NAV3: variants seen among roughly 807,000 people sequenced by gnomAD.
The protein encoded by NAV3 is pore membrane and/or filament interacting like protein 1.
NAV3 carries 87 observed loss-of-function variants against 244.7 expected under a neutral mutation model. That is an observed-to-expected ratio of 0.36 (90% CI 0.30 to 0.42). The LOEUF (loss-of-function observed/expected upper bound fraction) is 0.42. Ranked by LOEUF, NAV3 falls within the 20% of genes least tolerant of loss-of-function variation. The pLI, the probability that NAV3 is intolerant of heterozygous loss-of-function variation, is 1.00. For missense variants in NAV3, 2,663 were observed against 2,893.3 expected, an observed-to-expected ratio of 0.92 and a Z score of 1.83; for synonymous variants, 1,126 against 1,042.2, an observed-to-expected ratio of 1.08 and a Z score of -1.55.
intron 2 of NAV3, among the ~76,000 whole-genome samples, chr12:77,591,127 C>T (rs1477641123): frequency 2.0e-5 from 3 of 152,188 alleles, no homozygotes; most frequent in Non-Finnish European, 4.4e-5. Context: ...ATAAAAACTG[C>T]TTCCTTTTGT....
At chr12:77,930,973 C>T (rs1888725511) in intron 1 of NAV3, among the ~76,000 whole-genome samples, 1 of 151,718 alleles carries the variant, frequency 6.6e-6, no homozygotes, top group Non-Finnish European at 1.5e-5. Flanking sequence ...CTTTGTGCCC[C>T]ACCCTCCTGA....
At chr12:78,172,551 G>A (rs1393169354) in intron 24 of NAV3, among the ~76,000 whole-genome samples, 1 of 151,484 alleles carries the variant, frequency 6.6e-6, no homozygotes, top group Non-Finnish European at 1.5e-5. Context: ...AATAATGGGT[G>A]CCATAGGGAA....
intron 39 of NAV3, among the ~76,000 whole-genome samples, chr12:78,210,013 TC>T (rs539916364): frequency 1.2e-4 from 18 of 152,288 alleles, no homozygotes; most frequent in Middle Eastern, 3.4e-3. Flanking sequence ...GTATGAACAT[TC>T]ACGACTTTCA....
intron 38 of NAV3, 117 bp downstream of exon 38, chr12:78,200,708 T>C: frequency 2.0e-6 from 1 of 501,736 alleles, no homozygotes; most frequent in Non-Finnish European, 3.4e-6. Context: ...GCATGAACTA[T>C]ATGAATAGAG....
chr12:78,009,925 T>C (rs1874966417), intron 8 of NAV3, among the ~76,000 whole-genome samples: 1 of 152,126 alleles, frequency 6.6e-6, no homozygotes, highest in Admixed American at 6.6e-5. Flanking sequence ...TAAAAATAAA[T>C]GAAACTATGG....
intron 24 of NAV3, among the ~76,000 whole-genome samples, chr12:78,169,864 C>T (rs539313956): frequency 1.6e-4 from 25 of 151,798 alleles, no homozygotes; most frequent in Non-Finnish European, 3.0e-4. Context: ...GTGAAACATC[C>T]GGTTTTTCTA....
chr12:77,616,152 A>G lies in NAV3; in HGVS notation c.72+43886A>G, dbSNP rs1475268761. On this transcript the variant is annotated intron_variant, in intron 2 of 8. Transcript: ENST00000550042. Reference sequence around the variant, plus strand: ...GCCAGGCATGGTGGCTCACTCCTGTAATCCCAGCACTTTGGAGGCCAAGGT... The same window carrying G: ...GCCAGGCATGGTGGCTCACTCCTGTGATCCCAGCACTTTGGAGGCCAAGGT... 4.6e-5 allele frequency among the ~76,000 whole-genome samples: 7 copies of G among 152,154 alleles called. No individual in the cohort carries two copies. In the East Asian group the frequency reaches 1.3e-3, roughly 29 times the overall value.
chr12:77,940,819 T>A lies in NAV3; in HGVS notation c.362-262T>A, dbSNP rs866459684. Among the ~76,000 whole-genome samples the A allele has an allele frequency of 3.3e-5, 5 of 152,306 alleles. 1 individual carries two copies. The Middle Eastern group carries it at 0.01, about 311-fold the overall frequency. On this transcript the variant is annotated intron_variant, in intron 2 of 39. Coordinates refer to ENST00000397909, the MANE Select transcript of NAV3 (RefSeq NM_001024383.2). ...GCAGGGACAATTGTGAAAGGTTTCATGTCAGCAATCATTTGGCACAGGCTA... is the reference window on the plus strand; with the variant it reads ...GCAGGGACAATTGTGAAAGGTTTCAAGTCAGCAATCATTTGGCACAGGCTA...
Position 78,072,023 on chromosome 12 carries a change from C to T in NAV3, c.2636+12908C>T, listed in dbSNP as rs138738984. 6.0e-3 allele frequency among the ~76,000 whole-genome samples: 913 copies of T among 152,198 alleles called. 11 individuals carry two copies. The highest frequency in any genetic ancestry group is 0.021 in the African/African-American group (878 of 41,506). On this transcript the variant is annotated intron_variant, in intron 12 of 39. Coordinates refer to ENST00000397909, the MANE Select transcript of NAV3 (RefSeq NM_001024383.2). ...ACACAACATACCAGAATCTCTGGGA[C>T]GCATTCAAAGCAGTGTGTAGTGGGA...
intron 1 of NAV3, among the ~76,000 whole-genome samples, chr12:77,882,753 A>T (rs1367067969): frequency 6.6e-6 from 1 of 152,156 alleles, no homozygotes; most frequent in Non-Finnish European, 1.5e-5. Flanking sequence ...AAGTAACTCT[A>T]TTAAAAATGA....
intron 30 of NAV3, among the ~76,000 whole-genome samples, chr12:78,181,991 A>G (rs1402522231): frequency 6.6e-6 from 1 of 152,076 alleles, no homozygotes; most frequent in Non-Finnish European, 1.5e-5. Context: ...CCTTCATCTT[A>G]TATGTAAAAG....
At chr12:78,029,783 T>A (rs935429288) in intron 9 of NAV3, among the ~76,000 whole-genome samples, 2 of 152,170 alleles carry the variant, frequency 1.3e-5, no homozygotes, top group Admixed American at 6.6e-5. Flanking sequence ...AACACATTAT[T>A]TTTTCACTGC....
intron 1 of NAV3, among the ~76,000 whole-genome samples, chr12:77,936,025 G>T (rs554614221): frequency 6.6e-6 from 1 of 152,080 alleles, no homozygotes; most frequent in Non-Finnish European, 1.5e-5. Flanking sequence ...GAGCTAAACC[G>T]TATCAGTAGG....
intron 1 of NAV3, among the ~76,000 whole-genome samples, chr12:77,841,627 A>C (rs534660522): frequency 6.6e-6 from 1 of 152,326 alleles, no homozygotes; most frequent in African/African-American, 2.4e-5. Flanking sequence ...CACAGCCCTG[A>C]TGCTGGTTTA....
chr12:77,953,763 G>A (rs535365035), intron 3 of NAV3, among the ~76,000 whole-genome samples: 2 of 152,180 alleles, frequency 1.3e-5, no homozygotes, highest in East Asian at 1.9e-4. Flanking sequence ...ATCACAGTTC[G>A]AGGAAAAGGC....
intron 35 of NAV3, among the ~76,000 whole-genome samples, chr12:78,197,855 G>A (rs1959202640): frequency 6.6e-6 from 1 of 151,752 alleles, no homozygotes; most frequent in African/African-American, 2.4e-5. Context: ...GTTTTAATCA[G>A]GAAAATTAAA....
intron 2 of NAV3, among the ~76,000 whole-genome samples, chr12:77,667,421 A>C (rs889197074): frequency 6.6e-6 from 1 of 152,112 alleles, no homozygotes; most frequent in Admixed American, 6.5e-5. Context: ...TGGCGGGAGT[A>C]AGACCAGCCT....
intron 2 of NAV3, among the ~76,000 whole-genome samples, chr12:77,654,165 G>A (rs150082692): frequency 0.034 from 5,113 of 152,200 alleles, 286 homozygotes; most frequent in East Asian, 0.29. Flanking sequence ...GCCTCACTCG[G>A]GACGTGCAAG....
chr12:77,641,787 C>T (rs696071), intron 2 of NAV3, among the ~76,000 whole-genome samples: 25,635 of 152,066 alleles, frequency 0.17, 3,219 homozygotes, highest in African/African-American at 0.35. Context: ...AGGGAACCCA[C>T]AGCTGTTTGT....
Sources: allele counts gnomAD v4.1 joint callset (sites outside exome capture counted in the v4.1 genomes callset), GRCh38; gene constraint gnomAD v4.1.1; transcripts MANE v1.5; gene names NCBI Gene and HGNC (gene_info 2026-07-23, HGNC 2026-07-21).